The following TBC1D22A variants were observed in gnomAD, a reference collection of about 807,000 sequenced individuals.
TBC1D22A encodes the protein TBC1 domain family member 22A, also known as putative GTPase activator.
A neutral mutation model predicts 60.2 loss-of-function variants in TBC1D22A; 38 were observed. The observed-to-expected ratio is 0.63, with a 90% CI of 0.49 to 0.83. The LOEUF (loss-of-function observed/expected upper bound fraction) is 0.83, where lower values mean the gene tolerates loss of function less well. Among genes scored for constraint, TBC1D22A ranks in the 40% least tolerant of loss-of-function variants. The probability of loss-of-function intolerance (pLI) is 0.00; values close to 1 mark genes in which losing one functional copy is unlikely to be tolerated. For synonymous variants in TBC1D22A, 302 were observed against 281.7 expected, an observed-to-expected ratio of 1.07 and a Z score of -0.72; for missense variants, 628 against 701.0, an observed-to-expected ratio of 0.90 and a Z score of 1.18.
intron 10 of TBC1D22A, among the ~76,000 whole-genome samples, chr22:47,005,246 C>T: frequency 6.6e-6 from 1 of 151,466 alleles, no homozygotes; most frequent in South Asian, 2.1e-4. Flanking sequence ...CACAGAAACA[C>T]CACTATACAC....
At chr22:46,828,785 A>G (rs545509784) in intron 4 of TBC1D22A, among the ~76,000 whole-genome samples, 35 of 152,248 alleles carry the variant, frequency 2.3e-4, no homozygotes, top group African/African-American at 8.2e-4. Flanking sequence ...CACTCTAGCC[A>G]CATGGGCTCA....
chr22:46,766,218 C>T (rs1018223747), intron 1 of TBC1D22A, among the ~76,000 whole-genome samples: 4 of 152,120 alleles, frequency 2.6e-5, no homozygotes, highest in Non-Finnish European at 4.4e-5. Context: ...AGGATAGTCT[C>T]GATCTCCTGA....
chr22:47,077,048 G>A (rs2064257520), intron 11 of TBC1D22A, among the ~76,000 whole-genome samples: 1 of 152,150 alleles, frequency 6.6e-6, no homozygotes, highest in East Asian at 1.9e-4. Flanking sequence ...GCGTATTATT[G>A]GCAAAATGTA....
intron 4 of TBC1D22A, among the ~76,000 whole-genome samples, chr22:46,825,922 G>A (rs182296154): frequency 4.3e-3 from 629 of 144,840 alleles, no homozygotes; most frequent in Non-Finnish European, 6.3e-3. Flanking sequence ...TTGCTCTGTC[G>A]CCCAGGCTGG....
At chr22:46,998,942 C>G (rs1006526674) in intron 10 of TBC1D22A, among the ~76,000 whole-genome samples, 1 of 152,256 alleles carries the variant, frequency 6.6e-6, no homozygotes, top group Non-Finnish European at 1.5e-5. Flanking sequence ...CCTGCCAGCA[C>G]TTTCACAAGC....
chr22:46,863,201 A>G (rs1004069595), intron 4 of TBC1D22A, among the ~76,000 whole-genome samples: 11 of 152,208 alleles, frequency 7.2e-5, no homozygotes, highest in South Asian at 2.1e-4. Context: ...ATGGGCACCC[A>G]TGACAAGCAG....
intron 11 of TBC1D22A, among the ~76,000 whole-genome samples, chr22:47,094,281 A>C (rs2065087623): frequency 6.6e-6 from 1 of 152,094 alleles, no homozygotes; most frequent in Non-Finnish European, 1.5e-5. Flanking sequence ...TAAGTTTGTC[A>C]AAAAAATGGT....
intron 8 of TBC1D22A, among the ~76,000 whole-genome samples, chr22:46,968,980 C>T (rs866990000): frequency 2.6e-5 from 4 of 152,170 alleles, no homozygotes; most frequent in Admixed American, 6.5e-5. Flanking sequence ...CTGGTGGAGT[C>T]TCAGGCTGGA....
At chr22:47,008,817 C>G (rs1364583112) in intron 10 of TBC1D22A, among the ~76,000 whole-genome samples, 1 of 152,162 alleles carries the variant, frequency 6.6e-6, no homozygotes, top group Non-Finnish European at 1.5e-5. Context: ...TGCCTGTAAA[C>G]TGGTAGAAAC....
chr22:46,765,577 T>C (rs2083252414), intron 1 of TBC1D22A, among the ~76,000 whole-genome samples: 2 of 152,096 alleles, frequency 1.3e-5, no homozygotes, highest in South Asian at 2.1e-4. Flanking sequence ...GTGATTCTCC[T>C]GTCTCAGCCT....
intron 11 of TBC1D22A, among the ~76,000 whole-genome samples, chr22:47,054,358 C>A (rs142345956): frequency 6.6e-6 from 1 of 152,164 alleles, no homozygotes; most frequent in African/African-American, 2.4e-5. Context: ...GCTTCATTTT[C>A]TTCTGCCTCG....
intron 8 of TBC1D22A, among the ~76,000 whole-genome samples, chr22:46,955,646 AC>A (rs2148028103): frequency 6.6e-6 from 1 of 152,352 alleles, no homozygotes; most frequent in South Asian, 2.1e-4. Context: ...AGCTGAAAAA[AC>A]CGTCTAACTT....
At chr22:46,970,212 G>A (rs1374336993) in intron 8 of TBC1D22A, among the ~76,000 whole-genome samples, 1 of 151,780 alleles carries the variant, frequency 6.6e-6, no homozygotes, top group Non-Finnish European at 1.5e-5. Flanking sequence ...CCTGAGAGCC[G>A]CCCCCTGCCT....
At chr22:47,057,165 C>T (rs938092703) in intron 11 of TBC1D22A, among the ~76,000 whole-genome samples, 6 of 152,176 alleles carry the variant, frequency 3.9e-5, no homozygotes, top group South Asian at 2.1e-4. Flanking sequence ...TTTAGGAAGT[C>T]GGTAGGTGGG....
intron 10 of TBC1D22A, among the ~76,000 whole-genome samples, chr22:47,011,550 A>G (rs1431936254): frequency 1.3e-5 from 2 of 152,072 alleles, no homozygotes; most frequent in Non-Finnish European, 2.9e-5. Context: ...AATGTTGGGG[A>G]ACTAAGGGAT....
At chr22:46,852,621 G>T (rs1037887418) in intron 4 of TBC1D22A, among the ~76,000 whole-genome samples, 2 of 152,168 alleles carry the variant, frequency 1.3e-5, no homozygotes, top group Non-Finnish European at 2.9e-5. Flanking sequence ...CTCTGCCTTT[G>T]CTCCACTTCA....
chr22:46,898,088 C>T (rs893547304), intron 7 of TBC1D22A, among the ~76,000 whole-genome samples: 9 of 152,122 alleles, frequency 5.9e-5, no homozygotes, highest in African/African-American at 2.2e-4. Context: ...TTTTTACTTA[C>T]GATTTTAAAA....
chr22:46,834,345 G>C, intron 4 of TBC1D22A, among the ~76,000 whole-genome samples: 1 of 152,292 alleles, frequency 6.6e-6, no homozygotes, highest in Non-Finnish European at 1.5e-5. Context: ...GAGCACAGGA[G>C]TACAAGTGCA....
intron 8 of TBC1D22A, among the ~76,000 whole-genome samples, chr22:46,951,310 C>T (rs1053124268): frequency 1.2e-4 from 18 of 152,172 alleles, no homozygotes; most frequent in Admixed American, 2.6e-4. Flanking sequence ...ACTGGTTTGC[C>T]AATAAAACAC....
Sources: gnomAD v4.1 joint callset for allele counts (sites outside exome capture counted in the v4.1 genomes callset) on GRCh38, gnomAD v4.1.1 for gene constraint, MANE v1.5 for transcripts, NCBI Gene and HGNC (gene_info 2026-07-23, HGNC 2026-07-21) for gene names.